The following NDC1 variants were observed in gnomAD, a reference collection of about 807,000 sequenced individuals.
The protein encoded by NDC1 is nucleoporin NDC1.
In NDC1, 24 loss-of-function variants were observed where a neutral mutation model predicts 89.8. The ratio of observed to expected loss-of-function variants is 0.27; its 90% confidence interval spans 0.19 to 0.38. The LOEUF (loss-of-function observed/expected upper bound fraction) is 0.38. NDC1 is among the 10% of genes least tolerant of loss of function. NDC1 has a pLI of 1.00. For synonymous variants in NDC1, 296 were observed against 284.8 expected (o/e 1.04, Z -0.39); for missense variants, 728 against 797.6 (o/e 0.91, Z 1.05).
intron 5 of NDC1, 77 bp downstream of exon 5, chr1:53,825,721 C>A (rs573499517): frequency 4.2e-5 from 49 of 1,163,864 alleles, no homozygotes; most frequent in Non-Finnish European, 5.5e-5. Flanking sequence ...TCAGATAAAT[C>A]CAGTTATATA....
intron 2 of NDC1, among the ~76,000 whole-genome samples, chr1:53,833,308 C>T (rs975326246): frequency 2.6e-5 from 4 of 151,938 alleles, no homozygotes; most frequent in African/African-American, 4.8e-5. Flanking sequence ...TACAGATGCC[C>T]GCCATGGCTA....
intron 7 of NDC1, among the ~76,000 whole-genome samples, chr1:53,808,468 T>TCAA (rs1288424579): frequency 6.6e-6 from 1 of 152,220 alleles, no homozygotes; most frequent in East Asian, 1.9e-4. Flanking sequence ...CATAATATGT[T>TCAA]CATTCTTCCT....
intron 6 of NDC1, among the ~76,000 whole-genome samples, chr1:53,810,555 G>A (rs1364306591): frequency 6.6e-6 from 1 of 152,090 alleles, no homozygotes; most frequent in East Asian, 1.9e-4. Flanking sequence ...CACAAAAATA[G>A]CCCAAATAAA....
chr1:53,803,360 C>G (rs1039809560), intron 10 of NDC1, among the ~76,000 whole-genome samples: 1 of 152,116 alleles, frequency 6.6e-6, no homozygotes, highest in Non-Finnish European at 1.5e-5. Context: ...AGCCACCACG[C>G]CCAGCCAAAC....
At chr1:53,802,022 C>T (rs968449760) in intron 10 of NDC1, among the ~76,000 whole-genome samples, 3 of 152,172 alleles carry the variant, frequency 2.0e-5, no homozygotes, top group Admixed American at 6.5e-5. Flanking sequence ...GGATTACAGA[C>T]GTGAGCTGCG....
At chr1:53,797,861 A>C (rs1647772933) in intron 11 of NDC1, among the ~76,000 whole-genome samples, 1 of 150,902 alleles carries the variant, frequency 6.6e-6, no homozygotes, top group Non-Finnish European at 1.5e-5. Flanking sequence ...TCCTGGGCTC[A>C]AGTAATCCTC....
intron 14 of NDC1, among the ~76,000 whole-genome samples, chr1:53,792,118 AT>A (rs1647532390): frequency 1.3e-5 from 2 of 151,820 alleles, no homozygotes; most frequent in Non-Finnish European, 2.9e-5. Context: ...AATTTTTTGT[AT>A]TTTTAGTAGA....
chr1:53,768,182 A>T, intron 17 of NDC1, 149 bp from the exon 18 acceptor site: 1 of 525,092 alleles, frequency 1.9e-6, no homozygotes, highest in Non-Finnish European at 3.2e-6. Context: ...CTGGATGAAA[A>T]CTCTTTTTAA....
chr1:53,832,507 T>A lies in NDC1; in HGVS notation c.263A>T (p.Asn88Ile), dbSNP rs778562994. Residue 88 changes from asparagine to isoleucine, a missense_variant, in exon 3 of 18, where the codon AAT (asparagine) becomes ATT (isoleucine). By Grantham distance (149) the Asn-to-Ile change is moderately radical (BLOSUM62 -3). Transcript: ENST00000371429. ...SVVIIIISIF[N>I]VEFYAVVPSI... is the part of the protein sequence containing the mutation. ...AAACTCACCTGCATAGAACTCCACA[T>A]TGAAAATACTTATTATTATTATTAC... The A allele has an allele frequency of 6.3e-7, 1 of 1,578,994 alleles. No homozygotes were observed. The highest frequency in any genetic ancestry group is 8.7e-7 in the Non-Finnish European group (1 of 1,148,492).
At chr1:53,818,227 A>G (rs932839761) in intron 6 of NDC1, among the ~76,000 whole-genome samples, 6 of 152,120 alleles carry the variant, frequency 3.9e-5, no homozygotes, top group East Asian at 3.9e-4. Flanking sequence ...ACCTGAGGTC[A>G]AGAGTCCAAG....
At chr1:53,825,408 T>C (rs987867585) in intron 5 of NDC1, among the ~76,000 whole-genome samples, 46 of 141,220 alleles carry the variant, frequency 3.3e-4, no homozygotes, top group African/African-American at 1.2e-3. Flanking sequence ...TGAGCCGAGA[T>C]TGCGCCATTG....
chr1:53,833,044 A>C (rs900980405), intron 2 of NDC1, among the ~76,000 whole-genome samples: 1 of 152,192 alleles, frequency 6.6e-6, no homozygotes, highest in African/African-American at 2.4e-5. Flanking sequence ...AAGGAGTTAC[A>C]GTGTGAGTTA....
intron 6 of NDC1, among the ~76,000 whole-genome samples, chr1:53,815,620 A>G (rs1391285142): frequency 1.3e-5 from 2 of 152,238 alleles, no homozygotes; most frequent in Non-Finnish European, 2.9e-5. Context: ...GACAAGAGAA[A>G]GAATTTAAAG....
At chr1:53,800,133 A>T (rs969049733) in intron 11 of NDC1, among the ~76,000 whole-genome samples, 8 of 152,046 alleles carry the variant, frequency 5.3e-5, no homozygotes, top group African/African-American at 1.7e-4. Flanking sequence ...CACTGAACTT[A>T]ATTTGTTTCA....
At position 53,796,925 on chromosome 1, in the gene NDC1, C is replaced by A. The variant is rs780817009; in HGVS notation, c.1442G>T (p.Gly481Val). The A allele has an allele frequency of 6.2e-7, 1 of 1,614,004 alleles. No homozygotes were observed. Among genetic ancestry groups the A allele is most frequent in the South Asian group, 1.1e-5 (1 of 91,056 alleles). ...AGAAGCTGATGTCCACAATCTTGGC[C>A]CCCTTCTTATTAGCTGAGGACTTTG... Reference protein sequence around the residue: ...SPQSPQLIRRGPRLWTSASDQ... With the variant: ...SPQSPQLIRRVPRLWTSASDQ... Residue 481 changes from glycine (G) to valine (V), a missense_variant, in exon 12 of 18, where the codon GGG becomes GTG. Coordinates refer to ENST00000371429, the MANE Select transcript of NDC1 (RefSeq NM_018087.5).
intron 4 of NDC1, among the ~76,000 whole-genome samples, chr1:53,826,231 A>G (rs1331054539): frequency 6.6e-6 from 1 of 152,238 alleles, no homozygotes; most frequent in Non-Finnish European, 1.5e-5. Flanking sequence ...CTGGGCTGAC[A>G]GCAACTGTAA....
chr1:53,770,949 C>G lies in NDC1; in HGVS notation c.1961+1380G>C, dbSNP rs1647107401. The G allele has an allele frequency of 2.0e-5, 3 of 152,338 alleles. No individual in the cohort carries two copies. In the South Asian group the frequency reaches 6.2e-4, roughly 32 times the overall value. 9.4% of individuals were successfully genotyped at this position (152,338 alleles called of 1,614,324 possible). On this transcript the variant is annotated intron_variant, in intron 17 of 17. Coordinates refer to ENST00000371429, the MANE Select transcript of NDC1 (RefSeq NM_018087.5). ...GGATAACAGGCATAGACCACTGTGC[C>G]TGGCCTATATCGCTTTCTTATCTAA... is the stretch of plus-strand genomic sequence containing the variant.
intron 6 of NDC1, among the ~76,000 whole-genome samples, chr1:53,810,529 T>G (rs1648269490): frequency 6.6e-6 from 1 of 150,446 alleles, no homozygotes; most frequent in East Asian, 1.9e-4. Context: ...GAGCAAATCA[T>G]GGAAATGATC....
At chr1:53,808,090 G>C (rs1428821671) in intron 7 of NDC1, among the ~76,000 whole-genome samples, 3 of 152,156 alleles carry the variant, frequency 2.0e-5, no homozygotes, top group Admixed American at 6.5e-5. Context: ...CGAGCAGCTG[G>C]GTGAAAGTTT....
Sources: gnomAD v4.1 joint callset for allele counts (sites outside exome capture counted in the v4.1 genomes callset) on GRCh38, gnomAD v4.1.1 for gene constraint, MANE v1.5 for transcripts, NCBI Gene and HGNC (gene_info 2026-07-23, HGNC 2026-07-21) for gene names.